The following ADGRV1 variants were observed in gnomAD, a reference collection of about 807,000 sequenced individuals.
The protein encoded by ADGRV1 is adhesion G protein-coupled receptor V1.
Under a neutral mutation model 596.2 loss-of-function variants are expected in ADGRV1, and 359 were observed. That is an observed-to-expected ratio of 0.60 (90% confidence interval 0.55 to 0.66). ADGRV1 has a LOEUF of 0.66. ADGRV1 is among the 30% of genes least tolerant of loss of function. The pLI, the probability that ADGRV1 is intolerant of heterozygous loss-of-function variation, is 0.00. For missense variants in ADGRV1, 7,274 were observed against 7,575.6 expected (o/e 0.96, Z 1.48); for synonymous variants, 2,681 against 2,679.2 (o/e 1.00, Z -0.02).
Position 91,035,861 on chromosome 5 carries a change from T to TATTATATATATATA in ADGRV1, c.18153-36586_18153-36585insATTATATATATATA. 3.4e-3 allele frequency among the ~76,000 whole-genome samples: 330 copies of TATTATATATATATA among 96,318 alleles called. 3 individuals are homozygous for TATTATATATATATA. Among genetic ancestry groups the TATTATATATATATA allele is most frequent in the African/African-American group, 0.012 (316 of 26,286 alleles). The allele number at this position is 96,318 out of a possible 152,430, so 63.2% of individuals were successfully genotyped here. A position where few individuals can be genotyped will look rare whatever the true frequency, so the allele number is the denominator to read the frequency against. On this transcript the variant is annotated intron_variant, in intron 85 of 89. Coordinates refer to ENST00000405460, the MANE Select transcript of ADGRV1 (RefSeq NM_032119.4). ...ATGAGTGTGTATATATATATATATA[T>TATTATATATATATA]TATATATATATATATATATATCTTA...
intron 85 of ADGRV1, among the ~76,000 whole-genome samples, chr5:90,999,810 G>A (rs557365082): frequency 6.6e-6 from 1 of 152,172 alleles, no homozygotes; most frequent in East Asian, 1.9e-4. Flanking sequence ...TTCTGTTGTA[G>A]ATGTCTCTAA....
At chr5:90,812,086 C>G (rs1762493922) in intron 74 of ADGRV1, among the ~76,000 whole-genome samples, 1 of 151,918 alleles carries the variant, frequency 6.6e-6, no homozygotes, top group African/African-American at 2.4e-5. Context: ...TGCCACCACG[C>G]CCGGCTAATT....
intron 83 of ADGRV1, among the ~76,000 whole-genome samples, chr5:90,944,353 T>C (rs910366284): frequency 7.2e-5 from 11 of 152,190 alleles, no homozygotes; most frequent in African/African-American, 2.7e-4. Flanking sequence ...GTATACATTT[T>C]TTTATTATGA....
At chr5:91,004,554 G>A (rs1282333003) in intron 85 of ADGRV1, among the ~76,000 whole-genome samples, 1 of 152,042 alleles carries the variant, frequency 6.6e-6, no homozygotes, top group Non-Finnish European at 1.5e-5. Flanking sequence ...TTTGCAAGGT[G>A]TATACCAACA....
At chr5:90,962,399 T>G (rs1778111461) in intron 83 of ADGRV1, among the ~76,000 whole-genome samples, 2 of 152,242 alleles carry the variant, frequency 1.3e-5, no homozygotes, top group Admixed American at 1.3e-4. Context: ...CATGTTCAAC[T>G]TAATGCTTTC....
chr5:90,746,678 T>G (rs1366013416), intron 52 of ADGRV1, among the ~76,000 whole-genome samples: 1 of 152,212 alleles, frequency 6.6e-6, no homozygotes, highest in Admixed American at 6.5e-5. Context: ...AAGGTTACTA[T>G]GTTCTGCTCA....
intron 45 of ADGRV1, 25 bp from the exon 46 acceptor site, chr5:90,724,807 G>C (rs779134152): frequency 1.2e-6 from 2 of 1,609,178 alleles, no homozygotes; most frequent in Non-Finnish European, 1.7e-6. Context: ...TAATAAACTA[G>C]TAAACCATGA....
chr5:91,150,009 C>CTTTTTTTTTTTTTTTTTTTTTT (rs35858094), intron 87 of ADGRV1, 21 bp from the exon 88 acceptor site: 4 of 1,288,828 alleles, frequency 3.1e-6, no homozygotes, highest in African/African-American at 3.4e-5. Context: ...CTTTTCTTTT[C>CTTTTTTTTTTTTTTTTTTTTTT]TTTTTTTTTT....
At chr5:90,899,499 T>G (rs1771635601) in intron 83 of ADGRV1, among the ~76,000 whole-genome samples, 1 of 152,140 alleles carries the variant, frequency 6.6e-6, no homozygotes, top group Admixed American at 6.5e-5. Context: ...TCTGGGAACT[T>G]GTTAGTCTGC....
At chr5:90,584,844 C>T (rs773147103) in intron 1 of ADGRV1, among the ~76,000 whole-genome samples, 3 of 152,052 alleles carry the variant, frequency 2.0e-5, no homozygotes, top group Non-Finnish European at 4.4e-5. Context: ...ATAGAACCCA[C>T]GTTTAAGAAG....
In ADGRV1 at chr5:90,629,238, A is replaced by G; in HGVS notation, c.1538A>G (p.Asp513Gly). ...TTGTTCTACATTCAGGATAGTGATG[A>G]TGTCTATGGCCTAATAACATTTTTT... ...ELLFYIQDSD[D>G]VYGLITFFPM... Residue 513 changes from aspartate (D) to glycine (G), a missense_variant, in exon 9 of 90, where the codon GAT becomes GGT. This residue lies in a region of ADGRV1 where 1,715 missense variants were observed against 1,708.8 expected (regional missense o/e 1.00). Coordinates refer to ENST00000405460, the MANE Select transcript of ADGRV1 (RefSeq NM_032119.4). 6.2e-7 allele frequency: 1 copy of G among 1,601,056 alleles called. No individual in the cohort carries two copies. The highest frequency in any genetic ancestry group is 8.5e-7 in the Non-Finnish European group (1 of 1,173,718).
At chr5:90,768,285 C>T (rs1339326946) in intron 59 of ADGRV1, among the ~76,000 whole-genome samples, 2 of 152,118 alleles carry the variant, frequency 1.3e-5, no homozygotes, top group African/African-American at 4.8e-5. Context: ...ATTTCATGTA[C>T]AACTGTGTAA....
rs1749846281 is a variant in ADGRV1 at position 90,714,666 on chromosome 5, A to G, written c.9185-1801A>G. 2.0e-5 allele frequency among the ~76,000 whole-genome samples: 3 copies of G among 152,070 alleles called. No individual in the cohort carries two copies. The East Asian group carries it at 5.8e-4, about 29-fold the overall frequency. On this transcript the variant is annotated intron_variant, in intron 42 of 89. Transcript: ENST00000405460. Reference sequence around the variant, plus strand: ...GATACAACTTCATTTTTCTTCTAAAATGCAGAAAATAATACCCTCATATCG... The same window carrying G: ...GATACAACTTCATTTTTCTTCTAAAGTGCAGAAAATAATACCCTCATATCG...
chr5:91,139,510 A>C (rs1299457108), intron 87 of ADGRV1, among the ~76,000 whole-genome samples: 1 of 152,232 alleles, frequency 6.6e-6, no homozygotes, highest in African/African-American at 2.4e-5. Context: ...TGAAGTTTGC[A>C]GTGTGCATTC....
At chr5:90,672,888 C>G (rs1772685593) in intron 22 of ADGRV1, 166 bp downstream of exon 22, 1 of 544,344 alleles carries the variant, frequency 1.8e-6, no homozygotes, top group Non-Finnish European at 3.2e-6. Flanking sequence ...TGCTGTAAAA[C>G]CTTTATCAGG....
chr5:91,030,030 T>A (rs1299508093), intron 85 of ADGRV1, among the ~76,000 whole-genome samples: 1 of 152,140 alleles, frequency 6.6e-6, no homozygotes, highest in African/African-American at 2.4e-5. Context: ...TCAAGAGCAT[T>A]TATTAAGTAA....
intron 43 of ADGRV1, among the ~76,000 whole-genome samples, chr5:90,719,294 C>T (rs1750587899): frequency 6.6e-6 from 1 of 151,522 alleles, no homozygotes; most frequent in South Asian, 2.1e-4. Flanking sequence ...GCATTTCAGC[C>T]TGGGTGACAG....
chr5:90,645,224 T>G (rs1767570620), intron 15 of ADGRV1, among the ~76,000 whole-genome samples: 1 of 152,126 alleles, frequency 6.6e-6, no homozygotes. Flanking sequence ...GTCGCATGAG[T>G]CATGGACCAA....
At chr5:90,966,511 G>A (rs1446087145) in intron 84 of ADGRV1, among the ~76,000 whole-genome samples, 2 of 122,626 alleles carry the variant, frequency 1.6e-5, no homozygotes, top group African/African-American at 3.1e-5. Context: ...CAGCCTGGGC[G>A]AGAAAAGCGA....
Sources: gnomAD v4.1 joint callset for allele counts (sites outside exome capture counted in the v4.1 genomes callset) on GRCh38, gnomAD v4.1.1 for gene constraint, gnomAD v4.1.1 regional missense constraint, MANE v1.5 for transcripts, NCBI Gene and HGNC (gene_info 2026-07-23, HGNC 2026-07-21) for gene names.